The following DISP3 variants were observed in gnomAD, a reference collection of about 807,000 sequenced individuals.
DISP3 encodes the protein dispatched RND transporter family member 3.
A neutral mutation model predicts 135.3 loss-of-function variants in DISP3; 101 were observed. The ratio of observed to expected loss-of-function variants is 0.75; its 90% CI spans 0.64 to 0.88. The LOEUF (loss-of-function observed/expected upper bound fraction) is 0.88, where lower values mean the gene tolerates loss of function less well. DISP3 is among the 40% of genes least tolerant of loss of function. DISP3 has a pLI of 0.00. For synonymous variants in DISP3, 856 were observed against 817.0 expected, an observed-to-expected ratio of 1.05 and a Z score of -0.81; for missense variants, 1,713 against 1,878.6, an observed-to-expected ratio of 0.91 and a Z score of 1.63.
intron 10 of DISP3, among the ~76,000 whole-genome samples, chr1:11,523,283 A>C (rs1002108614): frequency 4.6e-5 from 7 of 152,150 alleles, no homozygotes; most frequent in Non-Finnish European, 8.8e-5. Flanking sequence ...CTTGAGGCAA[A>C]ACAGGAATAT....
intron 4 of DISP3, 40 bp downstream of exon 4, chr1:11,514,566 G>C (rs1375377291): frequency 1.2e-6 from 2 of 1,600,132 alleles, no homozygotes; most frequent in Non-Finnish European, 1.7e-6. Context: ...TCCCCTCCCA[G>C]GGTGCTCCTG....
rs878991402 is a variant in DISP3 at position 11,522,596 on chromosome 1, A to G, written c.2363-1346A>G. Among the ~76,000 whole-genome samples, 467 of 61,222 alleles carry G rather than the reference A, an allele frequency of 7.6e-3. 3 individuals carry two copies. The highest frequency in any genetic ancestry group is 0.048 in the East Asian group (76 of 1,580). 40.2% of individuals were successfully genotyped at this position (61,222 alleles called of 152,430 possible). On this transcript the variant is annotated intron_variant, in intron 10 of 20. Coordinates refer to ENST00000294484, the MANE Select transcript of DISP3 (RefSeq NM_020780.2). ...AGGACCCAGCCAAGACCCAGCCAGG[A>G]CCCAGCCAGAGCCCAGCCAGGACCC...
Position 11,536,791 on chromosome 1 carries a change from G to A in DISP3, c.*105G>A. The A allele has an allele frequency of 7.2e-7, 1 of 1,397,852 alleles. No homozygotes were observed. Among genetic ancestry groups the A allele is most frequent in the South Asian group, 1.5e-5 (1 of 66,402 alleles). The allele number at this position is 1,397,852 out of a possible 1,614,324, so 86.6% of individuals were successfully genotyped here. ...AGCTGTGTCCCCAGGCCTGGGCCCA[G>A]GGCGCCCTGCGGGCCAGCGTGGAGG... On this transcript the variant is annotated 3_prime_UTR_variant, in exon 21 of 21. Coordinates refer to ENST00000294484, the MANE Select transcript of DISP3 (RefSeq NM_020780.2). The surrounding 1 kb of genome is among the most constrained non-coding windows in gnomAD (Gnocchi z 4.3).
rs751587698 is a variant in DISP3 at position 11,530,922 on chromosome 1, G to C, written c.3118G>C (p.Asp1040His). The change falls in exon 16 of 21, where the codon GAC becomes CAC. Residue 1040 changes from aspartate to histidine, a missense_variant. Physicochemically the swap from Asp to His is moderately conservative, Grantham distance 81. Around this residue, in one of 2 missense-constraint regions of DISP3, gnomAD observed 1,142 missense variants for 1,384.6 expected, o/e 0.82. Transcript: ENST00000294484. ...VIGDPGSVVY[D>H]SSFDLFKEIG... is the part of the protein sequence containing the mutation. Reference sequence around the variant, plus strand: ...CTTGGGAAAGGGTAGTGTTGTCTACGACAGCAGCTTTGACCTCTTCAAGGA... The same window carrying C: ...CTTGGGAAAGGGTAGTGTTGTCTACCACAGCAGCTTTGACCTCTTCAAGGA... The C allele has an allele frequency of 6.2e-7, 1 of 1,613,796 alleles. No homozygotes were observed. The highest frequency in any genetic ancestry group is 1.3e-5 in the African/African-American group (1 of 74,892).
intron 1 of DISP3, among the ~76,000 whole-genome samples, chr1:11,500,607 A>G (rs542823298): frequency 6.6e-6 from 1 of 152,326 alleles, no homozygotes; most frequent in African/African-American, 2.4e-5. Context: ...GTGGAGTTAC[A>G]TCTTACATTG....
intron 17 of DISP3, among the ~76,000 whole-genome samples, chr1:11,532,249 C>G (rs925546062): frequency 6.6e-6 from 1 of 152,226 alleles, no homozygotes. Flanking sequence ...ACTCTCGGCC[C>G]TGGCACATGG....
intron 5 of DISP3, 92 bp from the exon 6 acceptor site, chr1:11,515,909 G>A: frequency 6.9e-7 from 1 of 1,444,690 alleles, no homozygotes; most frequent in South Asian, 1.3e-5. Flanking sequence ...GACCTCCCAG[G>A]AGGCCACTCA....
At position 11,499,486 on chromosome 1, in the gene DISP3, C is replaced by T. The variant is rs970054725; in HGVS notation, c.-3-1504C>T. 2.6e-5 allele frequency among the ~76,000 whole-genome samples: 4 copies of T among 152,140 alleles called. No homozygotes were observed. The highest frequency in any genetic ancestry group is 2.9e-5 in the Non-Finnish European group (2 of 68,022). ...GGACTCAGAGCAGTTACCATCCCCT[C>T]GGCAAGCTGGCAGGCTCGTGTTAGG... On this transcript the variant is annotated intron_variant, in intron 1 of 20. Coordinates refer to ENST00000294484, the MANE Select transcript of DISP3 (RefSeq NM_020780.2). This position sits in a 1 kb window ranked among gnomAD's most constrained non-coding sequence, Gnocchi z 5.2.
At chr1:11,526,995 A>G (rs549232159) in intron 13 of DISP3, among the ~76,000 whole-genome samples, 160 bp downstream of exon 13, 2 of 150,548 alleles carry the variant, frequency 1.3e-5, no homozygotes, top group Admixed American at 1.3e-4. Context: ...CAGTGGCACA[A>G]TCTTGGCTCA....
rs965596084 is a variant in DISP3 at position 11,529,094 on chromosome 1, G to T, written c.2799-462G>T. ...ACTTTGAGCTGCACTGGGTCTAGTG[G>T]TTAGCCAGCTGTTGACACTGGAGCC... On this transcript the variant is annotated intron_variant, in intron 13 of 20. Transcript: ENST00000294484. The surrounding 1 kb of genome is among the most constrained non-coding windows in gnomAD (Gnocchi z 4.7). Among the ~76,000 whole-genome samples the T allele has an allele frequency of 6.6e-6, 1 of 152,212 alleles. No individual in the cohort carries two copies. The highest frequency in any genetic ancestry group is 2.4e-5 in the African/African-American group (1 of 41,452).
Position 11,517,525 on chromosome 1 carries a change from C to G in DISP3, c.1812C>G (p.Ala604=), listed in dbSNP as rs754511794. The change falls in exon 7 of 21, where the codon GCC becomes GCG. Residue 604 remains alanine, a synonymous_variant. Coordinates refer to ENST00000294484, the MANE Select transcript of DISP3 (RefSeq NM_020780.2). ...TCATCGTGTCCTGTTGCTGGCTGGC[C>G]GTGCTTGTCACCATGCCTGCAGCTC... ...MSLIVSCCWL[A]VLVTMPAALG... is the part of the protein sequence containing the mutation. 6.2e-7 allele frequency: 1 copy of G among 1,614,198 alleles called. No individual in the cohort carries two copies. The highest frequency in any genetic ancestry group is 8.5e-7 in the Non-Finnish European group (1 of 1,180,022).
In DISP3 at chr1:11,523,940, A is replaced by G; in HGVS notation, c.2363-2A>G. 1 of 1,609,924 alleles carries G rather than the reference A, an allele frequency of 6.2e-7. No individual in the cohort carries two copies. Among genetic ancestry groups the G allele is most frequent in the Non-Finnish European group, 8.5e-7 (1 of 1,177,252 alleles). The stretch of plus-strand genomic sequence containing the variant: ...TGTCCTTGACATGGCGCTGGGGGGC[A>G]GGTCTGTTCCAGGAGAAGCCCCACA... On this transcript the variant is annotated splice_acceptor_variant, in intron 10 of 20. Coordinates refer to ENST00000294484, the MANE Select transcript of DISP3 (RefSeq NM_020780.2). LOFTEE classifies it high-confidence loss of function.
chr1:11,531,216 T>G lies in DISP3; in HGVS notation c.3229+183T>G, dbSNP rs889017539. On this transcript the variant is annotated intron_variant, in intron 16 of 20. Transcript: ENST00000294484. This position sits in a 1 kb window ranked among gnomAD's most constrained non-coding sequence, Gnocchi z 5.2. ...TGGGGTGTGTGCCGGCAGTCGAGGG[T>G]TTTTGGATGTGAGCAGGCTTGTGTG... 5.3e-5 allele frequency among the ~76,000 whole-genome samples: 8 copies of G among 151,962 alleles called. No individual in the cohort carries two copies. Among genetic ancestry groups the G allele is most frequent in the Non-Finnish European group, 1.0e-4 (7 of 67,982 alleles).
At chr1:11,484,170 A>G (rs546331419) in intron 1 of DISP3, among the ~76,000 whole-genome samples, 11 of 152,256 alleles carry the variant, frequency 7.2e-5, no homozygotes, top group African/African-American at 2.2e-4. Flanking sequence ...TGCTTCCTGG[A>G]CCTTAACTGA....
At chr1:11,481,616 G>C (rs1640906644) in intron 1 of DISP3, 1 of 152,246 alleles carries the variant, frequency 6.6e-6, no homozygotes. Flanking sequence ...CAGACTCCCA[G>C]TTTGCCCTTG....
At chr1:11,489,589 C>A (rs190934037) in intron 1 of DISP3, among the ~76,000 whole-genome samples, 109 of 152,360 alleles carry the variant, frequency 7.2e-4, no homozygotes, top group African/African-American at 2.4e-3. Flanking sequence ...ATCCAGCCCC[C>A]CTTGCTCTGC....
intron 10 of DISP3, among the ~76,000 whole-genome samples, chr1:11,522,585 A>AGGG (rs1642236411): frequency 1.1e-5 from 1 of 88,618 alleles, no homozygotes; most frequent in Middle Eastern, 6.7e-3. Context: ...CCCAGCCAAG[A>AGGG]CCCAGCCAGG....
chr1:11,524,012 C>T lies in DISP3; in HGVS notation c.2433C>T (p.Gly811=), dbSNP rs1427151979. Residue 811 remains glycine (G), a synonymous_variant, in exon 11 of 21, where the codon GGC becomes GGT. Coordinates refer to ENST00000294484, the MANE Select transcript of DISP3 (RefSeq NM_020780.2). ...IRTSLEKKRR[G]SGVPWASRPE... The stretch of plus-strand genomic sequence containing the variant: ...CGTCCCTGGAGAAGAAGAGGCGAGG[C>T]TCAGGGGTCCCCTGGGCTAGCCGGC... The T allele has an allele frequency of 6.2e-7, 1 of 1,613,284 alleles. No homozygotes were observed. The highest frequency in any genetic ancestry group is 8.5e-7 in the Non-Finnish European group (1 of 1,179,688).
rs1203526988 is a variant in DISP3 at position 11,531,078 on chromosome 1, T to A, written c.3229+45T>A. 6.2e-7 allele frequency: 1 copy of A among 1,607,450 alleles called. No homozygotes were observed. Among genetic ancestry groups the A allele is most frequent in the Non-Finnish European group, 8.5e-7 (1 of 1,178,696 alleles). On this transcript the variant is annotated intron_variant, in intron 16 of 20. Coordinates refer to ENST00000294484, the MANE Select transcript of DISP3 (RefSeq NM_020780.2). The surrounding 1 kb of genome is among the most constrained non-coding windows in gnomAD (Gnocchi z 5.2). ...CTGGTTCCTCCGAGGGAGGATGGACTGACTGGGGAGGCACAGAGGCCGTGG... is the reference window on the plus strand; with the variant it reads ...CTGGTTCCTCCGAGGGAGGATGGACAGACTGGGGAGGCACAGAGGCCGTGG...
Sources: allele counts gnomAD v4.1 joint callset (sites outside exome capture counted in the v4.1 genomes callset), GRCh38; gene constraint gnomAD v4.1.1; regional missense constraint gnomAD v4.1.1; non-coding constraint Gnocchi (gnomAD v3.1); transcripts MANE v1.5; gene names NCBI Gene and HGNC (gene_info 2026-07-23, HGNC 2026-07-21).